Variants in IPO9 observed in about 807,000 individuals in gnomAD.
IPO9 encodes importin 9.
IPO9 carries 28 observed loss-of-function variants against 128.6 expected under a neutral mutation model. The ratio of observed to expected loss-of-function variants is 0.22; its 90% CI spans 0.16 to 0.30. The LOEUF (loss-of-function observed/expected upper bound fraction) is 0.30. IPO9 is among the 10% of genes least tolerant of loss of function. The pLI is 1.00. For missense variants in IPO9, 935 were observed against 1,293.9 expected, an observed-to-expected ratio of 0.72 and a Z score of 4.26; for synonymous variants, 455 against 475.8, an observed-to-expected ratio of 0.96 and a Z score of 0.57.
At chr1:201,862,834 T>C (rs1487941150) in intron 13 of IPO9, among the ~76,000 whole-genome samples, 1 of 148,352 alleles carries the variant, frequency 6.7e-6, no homozygotes, top group Non-Finnish European at 1.5e-5. Context: ...GATTAACTAG[T>C]AGTACAGGTA....
rs1680386145 is a variant in IPO9, at chr1:201,859,043, T to C, written c.1468+49T>C. 4.4e-6 allele frequency: 7 copies of C among 1,574,634 alleles called. No individual in the cohort carries two copies. In the Admixed American group the frequency reaches 1.2e-4, roughly 27 times the overall value. The stretch of plus-strand genomic sequence containing the variant: ...TTCTAGAAACTCTTTAAACCTGTTG[T>C]GGGGTTGGGGGAGGGATCAGCATTA... On this transcript the variant is annotated intron_variant, in intron 13 of 23. Coordinates refer to ENST00000361565, the MANE Select transcript of IPO9 (RefSeq NM_018085.5).
Position 201,829,388 on chromosome 1 carries a change from C to G in IPO9, c.163+16C>G, listed in dbSNP as rs751380494. ...GTGACGGAGGGTGAGTGAGGCGGGA[C>G]CGTCACGAGGATGGCTCAGCCGCAC... On this transcript the variant is annotated intron_variant, in intron 1 of 23. Transcript: ENST00000361565. 6.5e-7 allele frequency: 1 copy of G among 1,546,218 alleles called. No homozygotes were observed. Among genetic ancestry groups the G allele is most frequent in the African/African-American group, 1.4e-5 (1 of 72,050 alleles).
chr1:201,866,192 C>G, intron 14 of IPO9, among the ~76,000 whole-genome samples: 1 of 152,092 alleles, frequency 6.6e-6, no homozygotes, highest in Non-Finnish European at 1.5e-5. Context: ...TGACTTTCTT[C>G]TGAAGTACCT....
At position 201,863,462 on chromosome 1, in the gene IPO9, T is replaced by C; in HGVS notation, c.1483T>C (p.Leu495=). The part of the protein sequence containing the change: ...DLNLSVSPFL[L]GRALWAASRF... Reference sequence around the variant, plus strand: ...CTTTCTCCCAGTGTCTCCTTTCCTCTTGGGCCGGGCACTTTGGGCTGCCAG... The same window carrying C: ...CTTTCTCCCAGTGTCTCCTTTCCTCCTGGGCCGGGCACTTTGGGCTGCCAG... The change falls in exon 14 of 24, where the codon TTG becomes CTG. Residue 495 remains leucine (L), a synonymous_variant. Coordinates refer to ENST00000361565, the MANE Select transcript of IPO9 (RefSeq NM_018085.5). 6.3e-7 allele frequency: 1 copy of C among 1,577,338 alleles called. No homozygotes were observed.
At position 201,857,070 on chromosome 1, in the gene IPO9, AC is replaced by A. The variant is rs747397154; in HGVS notation, c.1123-25del. The A allele has an allele frequency of 5.1e-6, 7 of 1,368,548 alleles. No homozygotes were observed. In the East Asian group the frequency reaches 1.4e-4, roughly 27 times the overall value. The allele number at this position is 1,368,548 out of a possible 1,614,324, so 84.8% of individuals were successfully genotyped here. Reference sequence around the variant, plus strand: ...AGCTATGAATCAGATTGGCAGCATCACAAAGACATAACTTGATCTTTTCAGA... The same window carrying A: ...AGCTATGAATCAGATTGGCAGCATCAAAAGACATAACTTGATCTTTTCAGA... On this transcript the variant is annotated intron_variant, in intron 10 of 23. Coordinates refer to ENST00000361565, the MANE Select transcript of IPO9 (RefSeq NM_018085.5).
chr1:201,867,054 T>C, intron 15 of IPO9, 95 bp downstream of exon 15: 1 of 1,009,312 alleles, frequency 9.9e-7, no homozygotes, highest in Non-Finnish European at 1.5e-6. Context: ...TGGTCTTAGC[T>C]ATGAAGCTAT....
In IPO9 at chr1:201,870,986, C is replaced by A; in HGVS notation, c.2409+128C>A. 7 of 1,315,564 alleles carry A rather than the reference C, an allele frequency of 5.3e-6. No individual in the cohort carries two copies. Among genetic ancestry groups the A allele is most frequent in the Non-Finnish European group, 7.2e-6 (7 of 968,082 alleles). The allele number at this position is 1,315,564 out of a possible 1,614,324, so 81.5% of individuals were successfully genotyped here. A position where few individuals can be genotyped will look rare whatever the true frequency, so the allele number is the denominator to read the frequency against. On this transcript the variant is annotated intron_variant, in intron 18 of 23. Transcript: ENST00000361565. This position sits in a 1 kb window ranked among gnomAD's most constrained non-coding sequence, Gnocchi z 4.9. The stretch of plus-strand genomic sequence containing the variant: ...GTAGGACAGTTAAGTAAAATGGGAC[C>A]TGTCTGATCTGTTTGGCCTAAGAAA...
In IPO9 at chr1:201,848,611, T is replaced by C; in HGVS notation, c.514+17T>C. On this transcript the variant is annotated intron_variant, in intron 4 of 23. Coordinates refer to ENST00000361565, the MANE Select transcript of IPO9 (RefSeq NM_018085.5). ...TGCTGACAGGTACCAGAAGCCCTTT[T>C]CCCTGGTATTGGTACTTGGATCTCA... 1.2e-6 allele frequency: 2 copies of C among 1,612,086 alleles called. No individual in the cohort carries two copies. Among genetic ancestry groups the C allele is most frequent in the Non-Finnish European group, 1.7e-6 (2 of 1,178,856 alleles).
chr1:201,859,542 C>T (rs1377349377), intron 13 of IPO9, among the ~76,000 whole-genome samples: 1 of 152,146 alleles, frequency 6.6e-6, no homozygotes, highest in Non-Finnish European at 1.5e-5. Context: ...TGCCCTCAGG[C>T]ATTCTGTATC....
intron 1 of IPO9, chr1:201,835,194 A>G (rs946286157): frequency 1.3e-5 from 2 of 152,226 alleles, no homozygotes; most frequent in African/African-American, 4.8e-5. Flanking sequence ...CCCTGTTCAC[A>G]ATTCTTATTA....
At chr1:201,843,522 A>C (rs1680074453) in intron 1 of IPO9, among the ~76,000 whole-genome samples, 1 of 152,238 alleles carries the variant, frequency 6.6e-6, no homozygotes, top group South Asian at 2.1e-4. Flanking sequence ...GACAAAAGCC[A>C]AATACTTTTT....
At chr1:201,871,661 G>A (rs1466473446) in intron 19 of IPO9, among the ~76,000 whole-genome samples, 6 of 151,982 alleles carry the variant, frequency 3.9e-5, no homozygotes, top group Admixed American at 3.9e-4. Context: ...CCACAGTGCT[G>A]GGATTACAGG....
intron 6 of IPO9, among the ~76,000 whole-genome samples, chr1:201,853,703 A>G (rs973553614): frequency 1.3e-5 from 2 of 152,066 alleles, no homozygotes; most frequent in African/African-American, 4.8e-5. Context: ...AGCATGTGCT[A>G]CCACTCCTGG....
intron 1 of IPO9, among the ~76,000 whole-genome samples, chr1:201,840,563 A>T (rs941891934): frequency 3.9e-5 from 6 of 152,338 alleles, no homozygotes; most frequent in African/African-American, 1.2e-4. Context: ...CATCTTCAAC[A>T]TTTCAAAAAT....
intron 13 of IPO9, among the ~76,000 whole-genome samples, chr1:201,859,824 G>T (rs1558221572): frequency 6.6e-6 from 1 of 152,074 alleles, no homozygotes; most frequent in Non-Finnish European, 1.5e-5. Flanking sequence ...GCTGGGTGTG[G>T]TAGCAGGAGC....
chr1:201,839,301 C>G (rs956838884), intron 1 of IPO9, among the ~76,000 whole-genome samples: 12 of 151,980 alleles, frequency 7.9e-5, no homozygotes, highest in Non-Finnish European at 1.3e-4. Context: ...ACTGCAACAT[C>G]TGCCTCCCAG....
Position 201,880,671 on chromosome 1 carries a change from A to G in IPO9, c.*4617A>G, listed in dbSNP as rs1048191811. The G allele has an allele frequency of 6.6e-6, 1 of 152,224 alleles. No individual in the cohort carries two copies. The highest frequency in any genetic ancestry group is 2.4e-5 in the African/African-American group (1 of 41,446). The allele number at this position is 152,224 out of a possible 1,614,324, so 9.4% of individuals were successfully genotyped here. On this transcript the variant is annotated 3_prime_UTR_variant, in exon 24 of 24. Coordinates refer to ENST00000361565, the MANE Select transcript of IPO9 (RefSeq NM_018085.5). Reference sequence around the variant, plus strand: ...ATTAGATATGCAAGGCCGGTGCTAAATGCTGGAGGGCTTTGGCCCTTTCCC... The same window carrying G: ...ATTAGATATGCAAGGCCGGTGCTAAGTGCTGGAGGGCTTTGGCCCTTTCCC...
chr1:201,858,457 C>T lies in IPO9; in HGVS notation c.1232C>T (p.Thr411Ile). ...AAQDLLLAVATDFQNESAAAL... is the reference protein window; with the variant it reads ...AAQDLLLAVAIDFQNESAAAL... ...CTTCTCTCTCTATAGGCTGTGGCCA[C>T]AGATTTCCAGAATGAAAGTGCAGCA... Residue 411 changes from threonine (T) to isoleucine (I), a missense_variant, in exon 12 of 24, where the codon ACA (threonine) becomes ATA (isoleucine). This residue lies in a region of IPO9 where 741 missense variants were observed against 1,019.1 expected (regional missense o/e 0.73). Coordinates refer to ENST00000361565, the MANE Select transcript of IPO9 (RefSeq NM_018085.5). 1 of 1,556,902 alleles carries T rather than the reference C, an allele frequency of 6.4e-7. No homozygotes were observed. The highest frequency in any genetic ancestry group is 8.7e-7 in the Non-Finnish European group (1 of 1,152,340).
chr1:201,877,980 G>A lies in IPO9; in HGVS notation c.*1926G>A, dbSNP rs1019916584. The A allele has an allele frequency of 1.3e-5, 2 of 152,184 alleles. No homozygotes were observed. Among genetic ancestry groups the A allele is most frequent in the Non-Finnish European group, 2.9e-5 (2 of 68,038 alleles). 9.4% of individuals were successfully genotyped at this position (152,184 alleles called of 1,614,324 possible). On this transcript the variant is annotated 3_prime_UTR_variant, in exon 24 of 24. Transcript: ENST00000361565. ...GTGAATCTGAATCTCCACTCAAGGG[G>A]ATGGCCCCAAGGATATTGTAGCTGG...
Sources: allele counts gnomAD v4.1 joint callset (sites outside exome capture counted in the v4.1 genomes callset), GRCh38; gene constraint gnomAD v4.1.1; regional missense constraint gnomAD v4.1.1; non-coding constraint Gnocchi (gnomAD v3.1); transcripts MANE v1.5; gene names NCBI Gene and HGNC (gene_info 2026-07-23, HGNC 2026-07-21).